The following PSG11 variants were observed in gnomAD, a reference collection of about 807,000 sequenced individuals.
PSG11 encodes the protein pregnancy-specific beta-1-glycoprotein 11.
PSG11 carries 42 observed loss-of-function variants against 36.0 expected under a neutral mutation model. The observed-to-expected ratio is 1.17, with a 90% CI of 0.91 to 1.51. The LOEUF is 1.51. Ranked by LOEUF, PSG11 falls within the 40% of genes most tolerant of loss-of-function variation. The pLI, the probability that PSG11 is intolerant of heterozygous loss-of-function variation, is 0.00. For synonymous variants in PSG11, 206 were observed against 153.5 expected, an observed-to-expected ratio of 1.34 and a Z score of -2.53; for missense variants, 558 against 403.5, an observed-to-expected ratio of 1.38 and a Z score of -3.28.
At chr19:43,014,146 A>G (rs1238172942) in intron 4 of PSG11, 1 of 178,026 alleles carries the variant, frequency 5.6e-6, no homozygotes, top group Non-Finnish European at 1.1e-5. Flanking sequence ...TATTGGGTAC[A>G]GAGGTTTAAT....
At chr19:43,025,711 CCT>C (rs1967230431) in intron 1 of PSG11, among the ~76,000 whole-genome samples, 2 of 95,128 alleles carry the variant, frequency 2.1e-5, no homozygotes, top group Non-Finnish European at 3.9e-5. Flanking sequence ...TGTTTCATGC[CCT>C]GTTTATTTTT....
intron 5 of PSG11, 81 bp from the exon 6 acceptor site, chr19:43,008,123 A>G (rs1973976256): frequency 3.1e-6 from 1 of 318,586 alleles, no homozygotes. Flanking sequence ...GGGAATGACA[A>G]AGATTTAAAA....
intron 3 of PSG11, among the ~76,000 whole-genome samples, chr19:43,016,474 A>T (rs139142651): frequency 0.045 from 6,832 of 151,016 alleles, 749 homozygotes; most frequent in African/African-American, 0.16. Context: ...TTCCAAGGAC[A>T]TTCTAGAGAT....
At chr19:43,026,196 C>T (rs1220469403) in intron 1 of PSG11, 113 bp downstream of exon 1, 2 of 1,492,968 alleles carry the variant, frequency 1.3e-6, no homozygotes, top group East Asian at 4.8e-5. Flanking sequence ...CCACCTCAGC[C>T]TCCCTAAATG....
chr19:43,026,168 C>G (rs1163722361), intron 1 of PSG11, 141 bp downstream of exon 1: 1 of 1,320,754 alleles, frequency 7.6e-7, no homozygotes, highest in Non-Finnish European at 1.0e-6. Context: ...ATCTTGAACT[C>G]CTGATCTCGT....
intron 2 of PSG11, 103 bp downstream of exon 2, chr19:43,024,588 G>T: frequency 6.3e-6 from 10 of 1,587,430 alleles, no homozygotes; most frequent in Non-Finnish European, 6.9e-6. Context: ...GGGACATAAT[G>T]CAGAGAGGGA....
At chr19:43,015,451 C>T in intron 3 of PSG11, 81 bp from the exon 4 acceptor site, 2 of 1,489,440 alleles carry the variant, frequency 1.3e-6, no homozygotes, top group Non-Finnish European at 1.8e-6. Flanking sequence ...GACACAGTGA[C>T]CCTCTGAGCC....
rs1417873005 is a variant in PSG11, at chr19:43,025,905, G to A, written c.64+404C>T. 6.0e-4 allele frequency among the ~76,000 whole-genome samples: 86 copies of A among 142,754 alleles called. 2 individuals are homozygous for A. Among genetic ancestry groups the A allele is most frequent in the Non-Finnish European group, 1.1e-3 (71 of 65,994 alleles). The allele number at this position is 142,754 out of a possible 152,430, so 93.7% of individuals were successfully genotyped here. Reference sequence around the variant, plus strand: ...TTTTCCCCTATCCAGGCATCAACAGGGCCTTCTTTCCTTTTTTTTTTTTTT... The same window carrying A: ...TTTTCCCCTATCCAGGCATCAACAGAGCCTTCTTTCCTTTTTTTTTTTTTT... On this transcript the variant is annotated intron_variant, in intron 1 of 5. Transcript: ENST00000320078.
intron 4 of PSG11, among the ~76,000 whole-genome samples, chr19:43,011,237 C>T (rs1013290301): frequency 4.0e-5 from 6 of 150,836 alleles, no homozygotes; most frequent in East Asian, 1.9e-4. Flanking sequence ...AAGAATGGTA[C>T]GAAGAAAACA....
chr19:43,009,144 T>C (rs548325740), intron 5 of PSG11, among the ~76,000 whole-genome samples: 22 of 151,524 alleles, frequency 1.5e-4, no homozygotes, highest in African/African-American at 4.6e-4. Flanking sequence ...CCTTGCCTTC[T>C]TCATTTCTGT....
intron 2 of PSG11, 110 bp from the exon 3 acceptor site, chr19:43,019,158 A>G: frequency 1.3e-6 from 2 of 1,531,928 alleles, no homozygotes; most frequent in South Asian, 2.6e-5. Flanking sequence ...CCGAGTCCCT[A>G]AAAGCCCATG....
chr19:43,009,741 G>C (rs1408616550), intron 5 of PSG11, among the ~76,000 whole-genome samples: 1 of 151,310 alleles, frequency 6.6e-6, no homozygotes, highest in Non-Finnish European at 1.5e-5. Context: ...AGAAACAAAT[G>C]AGCAGAGGCT....
rs563365006 is a variant in PSG11 at position 43,022,897 on chromosome 19, A to T, written c.430+1794T>A. ...GGGAAGGGAATAGAACAGCCAGCCT[A>T]GTTAGAGGGAGTGTCTGGGGAAGGC... On this transcript the variant is annotated intron_variant, in intron 2 of 5. Transcript: ENST00000320078. Among the ~76,000 whole-genome samples the T allele has an allele frequency of 2.7e-4, 40 of 150,510 alleles. 2 individuals carry two copies. In the South Asian group the frequency reaches 8.6e-3, roughly 32 times the overall value.
intron 3 of PSG11, chr19:43,015,856 A>G (rs770712098): frequency 3.1e-6 from 5 of 1,609,976 alleles, no homozygotes; most frequent in Non-Finnish European, 4.2e-6. Context: ...ATTTCTCGTG[A>G]CACTGGGTAG....
chr19:43,020,092 G>A lies in PSG11; in HGVS notation c.431-1044C>T, dbSNP rs1256033616. 3.3e-5 allele frequency among the ~76,000 whole-genome samples: 5 copies of A among 151,526 alleles called. No individual in the cohort carries two copies. The East Asian group carries it at 7.8e-4, about 24-fold the overall frequency. On this transcript the variant is annotated intron_variant, in intron 2 of 5. Transcript: ENST00000320078. ...TAGAATAGTAGTTTCCAGGAGCTGG[G>A]ATCAGGGGAATTGGGTGTTGTTCCG...
At chr19:43,016,357 C>G (rs1427950954) in intron 3 of PSG11, among the ~76,000 whole-genome samples, 1 of 151,248 alleles carries the variant, frequency 6.6e-6, no homozygotes, top group Admixed American at 6.6e-5. Context: ...AATCAGTTGA[C>G]TGGCTGGCTC....
intron 4 of PSG11, among the ~76,000 whole-genome samples, chr19:43,012,583 G>T (rs1171392924): frequency 7.7e-6 from 1 of 129,380 alleles, no homozygotes; most frequent in East Asian, 2.7e-4. Flanking sequence ...AATAACCAAA[G>T]AGGTGAAATG....
chr19:43,024,360 A>G (rs1304593398), intron 2 of PSG11: 13 of 431,852 alleles, frequency 3.0e-5, no homozygotes, highest in Non-Finnish European at 4.4e-5. Flanking sequence ...CTCAGGTCAA[A>G]TTCTACTCAG....
At chr19:43,014,919 G>A (rs550963517) in intron 4 of PSG11, 197 bp downstream of exon 4, 3 of 1,442,948 alleles carry the variant, frequency 2.1e-6, no homozygotes, top group Non-Finnish European at 2.8e-6. Flanking sequence ...CAGACACAAG[G>A]TCAGTCATGA....
Sources: allele counts gnomAD v4.1 joint callset (sites outside exome capture counted in the v4.1 genomes callset), GRCh38; gene constraint gnomAD v4.1.1; transcripts MANE v1.5; gene names NCBI Gene and HGNC (gene_info 2026-07-23, HGNC 2026-07-21).